Variants in ZNF717 observed in about 807,000 individuals in gnomAD.
The protein encoded by ZNF717 is krueppel-like factor X17.
ZNF717 carries 9 observed loss-of-function variants against 13.8 expected under a neutral mutation model. The observed-to-expected ratio is 0.65, with a 90% CI of 0.39 to 1.14. The LOEUF is 1.14. ZNF717 is among the 50% of genes most tolerant of loss of function. The pLI is 0.01. For missense variants in ZNF717, 1,040 were observed against 1,080.7 expected (o/e 0.96, Z 0.53); for synonymous variants, 327 against 364.1 (o/e 0.90, Z 1.16).
downstream of ZNF717, among the ~76,000 whole-genome samples, chr3:75,709,394 C>T (rs1225339270): frequency 3.3e-5 from 5 of 152,140 alleles, no homozygotes; most frequent in East Asian, 1.9e-4. Flanking sequence ...AGGACCTGCA[C>T]CCATGATCCA....
At chr3:75,699,647 G>T (rs1575757923) in intron 6 of ZNF717, among the ~76,000 whole-genome samples, 1 of 152,310 alleles carries the variant, frequency 6.6e-6, no homozygotes, top group Non-Finnish European at 1.5e-5. Flanking sequence ...GCAGAAGCCA[G>T]TGCTATGCTT....
chr3:75,748,798 T>C (rs1485177247), intron 2 of ZNF717, among the ~76,000 whole-genome samples: 1 of 152,202 alleles, frequency 6.6e-6, no homozygotes, highest in Non-Finnish European at 1.5e-5. Flanking sequence ...GGATGCCCTC[T>C]CTCATCACTC....
intron 2 of ZNF717, among the ~76,000 whole-genome samples, chr3:75,759,957 G>A (rs1159529846): frequency 6.6e-6 from 1 of 152,218 alleles, no homozygotes; most frequent in Non-Finnish European, 1.5e-5. Flanking sequence ...TTTATGTCAG[G>A]TTGCTGTGTC....
rs1575765723 is a variant in ZNF717, at chr3:75,738,344, G to A, written c.1279C>T (p.His427Tyr). Residue 427 changes from histidine (H) to tyrosine (Y), a missense_variant, in exon 5 of 5, where the codon CAT becomes TAT. His to Tyr is a moderately conservative substitution (Grantham distance 83, BLOSUM62 2). Transcript: ENST00000652011. ...HTGEKPYACDHCEEAFSHKSR... is the reference protein window; with the variant it reads ...HTGEKPYACDYCEEAFSHKSR... ...TTATGGCTAAATGCTTCTTCACAAT[G>A]GTCACATGCATAGGGCTTTTCCCCT... is the stretch of plus-strand genomic sequence containing the variant. The A allele has an allele frequency of 1.3e-6, 2 of 1,534,836 alleles. No individual in the cohort carries two copies. The highest frequency in any genetic ancestry group is 5.0e-5 in the East Asian group (2 of 39,834).
In ZNF717 at chr3:75,737,384, C is replaced by A; in HGVS notation, c.2239G>T (p.Val747Leu). Reference protein sequence around the residue: ...EKPCQKSVLTVHHRTHTGEKP... With the variant: ...EKPCQKSVLTLHHRTHTGEKP... Reference sequence around the variant, plus strand: ...TCTCCGGTATGGGTTCTATGATGTACAGTGAGGACTGACTTCTGACAAGGT... The same window carrying A: ...TCTCCGGTATGGGTTCTATGATGTAAAGTGAGGACTGACTTCTGACAAGGT... Residue 747 changes from valine to leucine, a missense_variant, in exon 5 of 5, where the codon GTA (valine) becomes TTA (leucine). Around this residue, in one of 3 missense-constraint regions of ZNF717, gnomAD observed 873 missense variants for 832.8 expected, o/e 1.05. Coordinates refer to ENST00000652011, the MANE Select transcript of ZNF717 (RefSeq NM_001290208.3). 1 of 1,552,946 alleles carries A rather than the reference C, an allele frequency of 6.4e-7. No homozygotes were observed. The highest frequency in any genetic ancestry group is 8.7e-7 in the Non-Finnish European group (1 of 1,147,788).
chr3:75,765,852 T>C (rs1395138521), intron 2 of ZNF717, among the ~76,000 whole-genome samples: 5 of 152,246 alleles, frequency 3.3e-5, no homozygotes, highest in Non-Finnish European at 7.3e-5. Context: ...CTCATGCCTG[T>C]AATCCCAACA....
downstream of ZNF717, among the ~76,000 whole-genome samples, chr3:75,726,165 G>T (rs1426045013): frequency 6.6e-6 from 1 of 152,252 alleles, no homozygotes; most frequent in Non-Finnish European, 1.5e-5. Context: ...TCTTCACAAT[G>T]AAGATCACTA....
intron 2 of ZNF717, among the ~76,000 whole-genome samples, chr3:75,773,668 G>A (rs1436486340): frequency 6.6e-6 from 1 of 152,196 alleles, no homozygotes. Flanking sequence ...GATTCTTCCT[G>A]TGGTTCCATG....
chr3:75,775,356 A>C (rs1944227803), intron 2 of ZNF717, among the ~76,000 whole-genome samples: 3 of 152,260 alleles, frequency 2.0e-5, no homozygotes, highest in South Asian at 2.1e-4. Context: ...TCATTTCCAC[A>C]GTTAATTGCT....
intron 2 of ZNF717, among the ~76,000 whole-genome samples, chr3:75,755,238 C>A (rs200875507): frequency 3.3e-3 from 501 of 149,730 alleles, no homozygotes; most frequent in African/African-American, 0.012. Context: ...TAACTGAAAC[C>A]TGGATCAACA....
At chr3:75,779,153 G>T (rs7645249) in intron 2 of ZNF717, among the ~76,000 whole-genome samples, 1 of 150,834 alleles carries the variant, frequency 6.6e-6, no homozygotes, top group South Asian at 2.1e-4. Context: ...TGGGAGTGAC[G>T]TGCGAAAACC....
At chr3:75,761,908 G>T (rs1943050279) in intron 2 of ZNF717, among the ~76,000 whole-genome samples, 1 of 152,218 alleles carries the variant, frequency 6.6e-6, no homozygotes, top group African/African-American at 2.4e-5. Context: ...ACAAAAATTA[G>T]CTGGGCATAG....
At chr3:75,748,781 C>T (rs1484832681) in intron 2 of ZNF717, among the ~76,000 whole-genome samples, 2 of 152,150 alleles carry the variant, frequency 1.3e-5, no homozygotes, top group African/African-American at 4.8e-5. Context: ...AAAATGGGCA[C>T]AAACAGGGAT....
downstream of ZNF717, among the ~76,000 whole-genome samples, chr3:75,733,527 C>T (rs76924754): frequency 0.026 from 2,555 of 97,990 alleles, no homozygotes; most frequent in Middle Eastern, 0.045. Flanking sequence ...GCCTGTAATC[C>T]CAGTACTTTG....
intron 6 of ZNF717, among the ~76,000 whole-genome samples, chr3:75,700,378 G>C (rs1937666724): frequency 6.6e-6 from 1 of 150,768 alleles, no homozygotes; most frequent in East Asian, 1.9e-4. Flanking sequence ...AGGTGACAGA[G>C]TGAGACACCA....
chr3:75,778,188 C>T (rs1165876642), intron 2 of ZNF717, among the ~76,000 whole-genome samples: 1 of 151,574 alleles, frequency 6.6e-6, no homozygotes, highest in Non-Finnish European at 1.5e-5. Context: ...AACTAGAAAC[C>T]CAAAACAATG....
rs76347222 is a variant in ZNF717 at position 75,737,814 on chromosome 3, C to T, written c.1809G>A (p.Lys603=). 1 of 1,551,206 alleles carries T rather than the reference C, an allele frequency of 6.4e-7. No individual in the cohort carries two copies. Among genetic ancestry groups the T allele is most frequent in the East Asian group, 2.4e-5 (1 of 40,894 alleles). ...CNECEKTFIN[K]LNLGIHKRTH... is the part of the protein sequence containing the mutation. ...TTCTCTTGTGTATCCCAAGGTTTAACTTATTGATAAAGGTTTTCTCACATT... is the reference window on the plus strand; with the variant it reads ...TTCTCTTGTGTATCCCAAGGTTTAATTTATTGATAAAGGTTTTCTCACATT... The change falls in exon 5 of 5, where the codon AAG becomes AAA. Residue 603 remains lysine, a synonymous_variant. Transcript: ENST00000652011.
At chr3:75,721,236 C>A (rs78504553) in intron 4 of ZNF717, among the ~76,000 whole-genome samples, 7 of 147,924 alleles carry the variant, frequency 4.7e-5, no homozygotes, top group Non-Finnish European at 1.1e-4. Flanking sequence ...AGAATTAATG[C>A]CTAAATATGC....
At position 75,738,667 on chromosome 3, in the gene ZNF717, A is replaced by G. The variant is rs1939870776; in HGVS notation, c.956T>C (p.Leu319Ser). The G allele has an allele frequency of 6.4e-7, 1 of 1,551,838 alleles. No individual in the cohort carries two copies. Among genetic ancestry groups the G allele is most frequent in the Non-Finnish European group, 8.7e-7 (1 of 1,147,076 alleles). The change falls in exon 5 of 5, where the codon TTG becomes TCG. Residue 319 changes from leucine to serine, a missense_variant. By Grantham distance (145) the Leu-to-Ser change is moderately radical. Coordinates refer to ENST00000652011, the MANE Select transcript of ZNF717 (RefSeq NM_001290208.3). ...KPYACNWCEK[L>S]FSYKSSLIIH... Reference sequence around the variant, plus strand: ...AATGAGGCTGGACTTATAGCTGAACAATTTTTCACACCAGTTACAGGCATA... The same window carrying G: ...AATGAGGCTGGACTTATAGCTGAACGATTTTTCACACCAGTTACAGGCATA...
Sources: gnomAD v4.1 joint callset for allele counts (sites outside exome capture counted in the v4.1 genomes callset) on GRCh38, gnomAD v4.1.1 for gene constraint, gnomAD v4.1.1 regional missense constraint, MANE v1.5 for transcripts, NCBI Gene and HGNC (gene_info 2026-07-23, HGNC 2026-07-21) for gene names.